RHOBTB1: variants seen among roughly 807,000 people sequenced by gnomAD.
RHOBTB1 encodes the protein Rho related BTB domain containing 1.
A neutral mutation model predicts 71.6 loss-of-function variants in RHOBTB1; 40 were observed. The observed-to-expected ratio is 0.56, with a 90% CI of 0.43 to 0.73. The LOEUF (loss-of-function observed/expected upper bound fraction) is 0.73, where lower values mean the gene tolerates loss of function less well. RHOBTB1 is among the 30% of genes least tolerant of loss of function. RHOBTB1 has a pLI of 0.00. For synonymous variants in RHOBTB1, 319 were observed against 334.9 expected (o/e 0.95, Z 0.52); for missense variants, 797 against 894.0 (o/e 0.89, Z 1.38).
chr10:60,960,158 T>C (rs1013021298), intron 2 of RHOBTB1, among the ~76,000 whole-genome samples: 5 of 152,198 alleles, frequency 3.3e-5, no homozygotes, highest in Non-Finnish European at 5.9e-5. Flanking sequence ...CATTCTTGTA[T>C]GATTTAATCT....
chr10:60,948,806 C>G (rs779339669), upstream of RHOBTB1, among the ~76,000 whole-genome samples: 6 of 152,222 alleles, frequency 3.9e-5, no homozygotes, highest in Non-Finnish European at 8.8e-5. Flanking sequence ...CACCCAACAA[C>G]TTTCTGGCTT....
At chr10:61,001,696 C>A (rs1212754118), upstream of RHOBTB1, among the ~76,000 whole-genome samples, 1 of 152,006 alleles carries the variant, frequency 6.6e-6, no homozygotes, top group African/African-American at 2.4e-5. Context: ...GTCCCGGGAG[C>A]CCTGGGCCGC....
intron 2 of RHOBTB1, among the ~76,000 whole-genome samples, chr10:60,938,774 A>G (rs1381451012): frequency 2.0e-5 from 3 of 152,188 alleles, no homozygotes; most frequent in Non-Finnish European, 4.4e-5. Context: ...GTTCTTAGAC[A>G]GCGTTGGGTG....
Position 60,888,889 on chromosome 10 carries a change from A to G in RHOBTB1, c.779T>C (p.Leu260Pro), listed in dbSNP as rs1205514259. ...SMGTNEAACL[L>P]DNPLCADVLF... The stretch of plus-strand genomic sequence containing the variant: ...AACATCGGCACATAGAGGATTGTCC[A>G]GTAAACAGGCAGCTTCATTTGTCCC... Residue 260 changes from leucine (L) to proline (P), a missense_variant, in exon 6 of 11, where the codon CTG becomes CCG. Leu to Pro is a moderately conservative substitution (Grantham distance 98, BLOSUM62 -3). Transcript: ENST00000337910. 1 of 1,614,236 alleles carries G rather than the reference A, an allele frequency of 6.2e-7. No individual in the cohort carries two copies. Among genetic ancestry groups the G allele is most frequent in the Non-Finnish European group, 8.5e-7 (1 of 1,180,034 alleles).
chr10:60,914,550 T>G (rs2133508296), intron 2 of RHOBTB1, among the ~76,000 whole-genome samples: 2 of 152,212 alleles, frequency 1.3e-5, no homozygotes, highest in South Asian at 4.1e-4. Context: ...TTAGTAAAAA[T>G]GGAGAATGGG....
chr10:60,880,137 G>GTGGT (rs765756036), intron 7 of RHOBTB1, among the ~76,000 whole-genome samples: 25 of 151,430 alleles, frequency 1.7e-4, no homozygotes, highest in Middle Eastern at 3.2e-3. Context: ...AGTTGGGGGG[G>GTGGT]TGGTCCTGGA....
chr10:60,933,709 A>C (rs560090230), intron 2 of RHOBTB1, among the ~76,000 whole-genome samples: 1 of 152,314 alleles, frequency 6.6e-6, no homozygotes, highest in African/African-American at 2.4e-5. Context: ...AAAAGAAAAA[A>C]AAAAGGAATG....
At chr10:60,967,114 G>C (rs1179346613) in intron 2 of RHOBTB1, among the ~76,000 whole-genome samples, 1 of 151,994 alleles carries the variant, frequency 6.6e-6, no homozygotes, top group African/African-American at 2.4e-5. Flanking sequence ...AGGAGGCACT[G>C]ACTCTAGGTC....
intron 2 of RHOBTB1, among the ~76,000 whole-genome samples, chr10:60,958,639 G>T (rs144799101): frequency 1.3e-5 from 2 of 152,070 alleles, no homozygotes; most frequent in African/African-American, 4.8e-5. Context: ...GGTCTCACTC[G>T]GTTGCCCATG....
At chr10:60,900,497 C>G (rs1169964912) in intron 4 of RHOBTB1, among the ~76,000 whole-genome samples, 1 of 152,184 alleles carries the variant, frequency 6.6e-6, no homozygotes, top group Non-Finnish European at 1.5e-5. Flanking sequence ...ATTGTTAACC[C>G]TGAATTGTAA....
At chr10:60,984,125 A>G (rs2086588601) in intron 2 of RHOBTB1, among the ~76,000 whole-genome samples, 1 of 152,200 alleles carries the variant, frequency 6.6e-6, no homozygotes, top group Admixed American at 6.5e-5. Context: ...CCAATTGGGT[A>G]GGCAAGATCA....
intron 2 of RHOBTB1, among the ~76,000 whole-genome samples, chr10:60,950,132 A>C (rs757688835): frequency 2.6e-5 from 4 of 152,224 alleles, no homozygotes; most frequent in Admixed American, 6.5e-5. Flanking sequence ...GGTAGCAAAC[A>C]GTTTTTATGG....
intron 2 of RHOBTB1, among the ~76,000 whole-genome samples, chr10:60,914,855 C>T (rs779707565): frequency 2.0e-5 from 3 of 152,198 alleles, no homozygotes; most frequent in Non-Finnish European, 4.4e-5. Flanking sequence ...TAATCCCTAG[C>T]AGTCCGCTCC....
intron 2 of RHOBTB1, among the ~76,000 whole-genome samples, chr10:60,983,707 A>T (rs2086575400): frequency 6.6e-6 from 1 of 152,190 alleles, no homozygotes; most frequent in Admixed American, 6.5e-5. Context: ...CCCCCTAAAG[A>T]TAGTTTAGTA....
At chr10:60,904,806 C>T (rs907444653) in intron 4 of RHOBTB1, among the ~76,000 whole-genome samples, 23 of 152,178 alleles carry the variant, frequency 1.5e-4, no homozygotes, top group African/African-American at 5.5e-4. Context: ...ATTTCTATCT[C>T]TTGGTTCAAA....
At chr10:60,905,934 C>T (rs2082656320) in intron 4 of RHOBTB1, among the ~76,000 whole-genome samples, 1 of 152,132 alleles carries the variant, frequency 6.6e-6, no homozygotes, top group African/African-American at 2.4e-5. Context: ...TAAAGGGCCT[C>T]AACTGTGCAT....
chr10:60,875,180 C>T, intron 8 of RHOBTB1, 138 bp from the exon 9 acceptor site: 1 of 646,826 alleles, frequency 1.5e-6, no homozygotes, highest in Non-Finnish European at 2.8e-6. Context: ...TGAATTAAAT[C>T]CAGAAGCTGC....
chr10:60,868,496 C>T (rs890686103), downstream of RHOBTB1, among the ~76,000 whole-genome samples: 6 of 152,278 alleles, frequency 3.9e-5, no homozygotes, highest in South Asian at 1.2e-3. Flanking sequence ...TAGCCAATGT[C>T]ATAGTGACGA....
chr10:60,964,286 T>G (rs1295515906), intron 2 of RHOBTB1, among the ~76,000 whole-genome samples: 1 of 152,114 alleles, frequency 6.6e-6, no homozygotes. Flanking sequence ...GAGAGAAGGT[T>G]GGCGCCAGAG....
Sources: allele counts gnomAD v4.1 joint callset (sites outside exome capture counted in the v4.1 genomes callset), GRCh38; gene constraint gnomAD v4.1.1; transcripts MANE v1.5; gene names NCBI Gene and HGNC (gene_info 2026-07-23, HGNC 2026-07-21).